Variants in ZNF483 observed in about 807,000 individuals in gnomAD.
ZNF483 encodes the protein zinc finger protein HIT-10.
ZNF483 carries 9 observed loss-of-function variants against 28.6 expected under a neutral mutation model. That is an observed-to-expected ratio of 0.32 (90% CI 0.19 to 0.55). ZNF483 has a LOEUF of 0.55. Among genes scored for constraint, ZNF483 ranks in the 20% least tolerant of loss-of-function variants. The probability of loss-of-function intolerance (pLI) is 0.93; values close to 1 mark genes in which losing one functional copy is unlikely to be tolerated. For synonymous variants in ZNF483, 322 were observed against 306.2 expected, an observed-to-expected ratio of 1.05 and a Z score of -0.54; for missense variants, 675 against 871.7, an observed-to-expected ratio of 0.77 and a Z score of 2.84.
rs1827736094 is a variant in ZNF483 at position 111,543,796 on chromosome 9, TC to T, written c.*627del. 1 of 940,694 alleles carries T rather than the reference TC, an allele frequency of 1.1e-6. No homozygotes were observed. The highest frequency in any genetic ancestry group is 1.8e-5 in the African/African-American group (1 of 56,228). The allele number at this position is 940,694 out of a possible 1,614,324, so 58.3% of individuals were successfully genotyped here. On this transcript the variant is annotated 3_prime_UTR_variant, in exon 6 of 6. Coordinates refer to ENST00000309235, the MANE Select transcript of ZNF483 (RefSeq NM_133464.5). ...TTTTTCTTTTTTTTTTTTCAATTTT[TC>T]TTTTTTGGGATGGAGTCTCACTATG...
At chr9:111,562,509 C>CAG (rs1828359792) in intron 5 of ZNF483, 1 of 151,594 alleles carries the variant, frequency 6.6e-6, no homozygotes, top group South Asian at 2.1e-4. Flanking sequence ...CTGCTGACCT[C>CAG]GTGATCTGCC....
chr9:111,561,013 A>G (rs1828281222), intron 5 of ZNF483, among the ~76,000 whole-genome samples: 1 of 72,100 alleles, frequency 1.4e-5, no homozygotes, highest in Admixed American at 1.5e-4. Context: ...AGAGAGAGAG[A>G]GAGAGGTGGC....
downstream of ZNF483, among the ~76,000 whole-genome samples, chr9:111,556,185 A>G (rs932939091): frequency 6.6e-6 from 1 of 152,372 alleles, no homozygotes; most frequent in African/African-American, 2.4e-5. Flanking sequence ...TTATAGCTCC[A>G]TAATAATCTT....
At chr9:111,531,784 C>G (rs1827353155) in intron 3 of ZNF483, among the ~76,000 whole-genome samples, 1 of 152,184 alleles carries the variant, frequency 6.6e-6, no homozygotes, top group African/African-American at 2.4e-5. Flanking sequence ...TGGGTTTAAG[C>G]CATCCTCCCT....
In ZNF483 at chr9:111,547,501, T is replaced by C. The variant is rs1016315371; in HGVS notation, c.*4331T>C. The stretch of plus-strand genomic sequence containing the variant: ...ATTTTTTAATTGGTTTTGTTGGCGT[T>C]GTTGTTTAGTTGTAGAAGTTCTTAA... On this transcript the variant is annotated 3_prime_UTR_variant, in exon 6 of 6. Transcript: ENST00000309235. Among the ~76,000 whole-genome samples the C allele has an allele frequency of 2.8e-5, 4 of 143,834 alleles. No individual in the cohort carries two copies. Among genetic ancestry groups the C allele is most frequent in the Non-Finnish European group, 5.9e-5 (4 of 67,884 alleles). The allele number at this position is 143,834 out of a possible 152,430, so 94.4% of individuals were successfully genotyped here.
Position 111,561,108 on chromosome 9 carries a change from T to TAGAGAGAGAGAGAGAG in ZNF483, c.722-15256_722-15255insGAGAGAGAGAGAGAGA, listed in dbSNP as rs1468727296. 2.4e-4 allele frequency among the ~76,000 whole-genome samples: 5 copies of TAGAGAGAGAGAGAGAG among 20,860 alleles called. 1 individual carries two copies. Among genetic ancestry groups the TAGAGAGAGAGAGAGAG allele is most frequent in the African/African-American group, 3.9e-4 (1 of 2,552 alleles). The allele number at this position is 20,860 out of a possible 152,430, so 13.7% of individuals were successfully genotyped here. Reference sequence around the variant, plus strand: ...AAATATATATATATATATATATATATATAGAGAGAGAGAGAGAGAGAGAGA... The same window carrying TAGAGAGAGAGAGAGAG: ...AAATATATATATATATATATATATATAGAGAGAGAGAGAGAGATAGAGAGAGAGAGAGAGAGAGAGA... On this transcript the variant is annotated intron_variant, in intron 5 of 5. Transcript: ENST00000358151.
At chr9:111,565,868 A>G (rs1026552085) in intron 5 of ZNF483, among the ~76,000 whole-genome samples, 1 of 152,086 alleles carries the variant, frequency 6.6e-6, no homozygotes, top group Non-Finnish European at 1.5e-5. Context: ...AAAATAGGGA[A>G]TGAGATTAAA....
intron 5 of ZNF483, among the ~76,000 whole-genome samples, chr9:111,566,860 G>T (rs1399450676): frequency 6.6e-6 from 1 of 152,088 alleles, no homozygotes; most frequent in Non-Finnish European, 1.5e-5. Flanking sequence ...GTTAAAAGAT[G>T]ATTAATTGCT....
At chr9:111,533,556 C>T (rs892865066) in intron 3 of ZNF483, among the ~76,000 whole-genome samples, 183 bp from the exon 4 acceptor site, 1 of 152,020 alleles carries the variant, frequency 6.6e-6, no homozygotes, top group African/African-American at 2.4e-5. Flanking sequence ...TGGCACGTGC[C>T]TGCAGTCCCA....
intron 5 of ZNF483, among the ~76,000 whole-genome samples, chr9:111,538,651 G>A (rs987603811): frequency 6.6e-6 from 1 of 152,168 alleles, no homozygotes; most frequent in Non-Finnish European, 1.5e-5. Context: ...AAAGTGTTTT[G>A]TGTAGTTCTA....
intron 5 of ZNF483, among the ~76,000 whole-genome samples, chr9:111,541,117 C>G (rs1384636489): frequency 7.1e-6 from 1 of 139,922 alleles, no homozygotes; most frequent in Non-Finnish European, 1.5e-5. Flanking sequence ...TGAGACAGAG[C>G]CTTGCTCTGT....
rs537667291 is a variant in ZNF483, at chr9:111,554,979, C to G, written c.*11809C>G. Among the ~76,000 whole-genome samples, 13 of 152,224 alleles carry G rather than the reference C, an allele frequency of 8.5e-5. No individual in the cohort carries two copies. In the South Asian group the frequency reaches 1.7e-3, roughly 19 times the overall value. The stretch of plus-strand genomic sequence containing the variant: ...TTTTTCTTTGAGAAGTGTAATTTCT[C>G]CAGAGGTCTGCTCTTTAATTTCCCC... On this transcript the variant is annotated 3_prime_UTR_variant, in exon 6 of 6. Coordinates refer to ENST00000309235, the MANE Select transcript of ZNF483 (RefSeq NM_133464.5).
Position 111,541,942 on chromosome 9 carries a change from A to G in ZNF483, c.1007A>G (p.Lys336Arg), listed in dbSNP as rs1374411640. 6 of 1,614,060 alleles carry G rather than the reference A, an allele frequency of 3.7e-6. No homozygotes were observed. In the African/African-American group the frequency reaches 8.0e-5, roughly 22 times the overall value. ...RKKSRRYNES[K>R]KPFSFHSDLV... ...AAATCTCGGAGGTATAATGAAAGCA[A>G]GAAACCCTTCAGTTTTCATTCAGAC... The change falls in exon 6 of 6, where the codon AAG becomes AGG. Residue 336 changes from lysine to arginine, a missense_variant. This residue lies in a region of ZNF483 where 525 missense variants were observed against 581.8 expected (regional missense o/e 0.90). Transcript: ENST00000309235.
chr9:111,563,034 T>C, intron 5 of ZNF483: 1 of 1,531,008 alleles, frequency 6.5e-7, no homozygotes, highest in East Asian at 2.3e-5. Context: ...TCTTAAGACA[T>C]TTAAGGTAGT....
In ZNF483 at chr9:111,549,247, C is replaced by T. The variant is rs1405545601; in HGVS notation, c.*6077C>T. ...TATCAGATGAGGAATTTCTTGATCA[C>T]TGGGGAGAAATATCTTACAATTCTG... On this transcript the variant is annotated 3_prime_UTR_variant, in exon 6 of 6. Transcript: ENST00000309235. 6.6e-6 allele frequency among the ~76,000 whole-genome samples: 1 copy of T among 152,156 alleles called. No homozygotes were observed. Among genetic ancestry groups the T allele is most frequent in the South Asian group, 2.1e-4 (1 of 4,834 alleles).
In ZNF483 at chr9:111,546,063, CATT is replaced by C. The variant is rs907153645; in HGVS notation, c.*2894_*2896del. 1.4e-4 allele frequency among the ~76,000 whole-genome samples: 21 copies of C among 152,158 alleles called. No homozygotes were observed. Among genetic ancestry groups the C allele is most frequent in the African/African-American group, 4.1e-4 (17 of 41,452 alleles). On this transcript the variant is annotated 3_prime_UTR_variant, in exon 6 of 6. Transcript: ENST00000309235. ...CCCATTTCTCTACAGTCTTGCCAGTCATTGTTGTCTGTTTTTTAAAAATTATGC... is the reference window on the plus strand; with the variant it reads ...CCCATTTCTCTACAGTCTTGCCAGTCGTTGTCTGTTTTTTAAAAATTATGC...
chr9:111,556,254 G>C (rs1305914605), downstream of ZNF483, among the ~76,000 whole-genome samples: 2 of 152,220 alleles, frequency 1.3e-5, no homozygotes, highest in African/African-American at 4.8e-5. Flanking sequence ...CTAAGGTCTT[G>C]GGCACCTCTG....
intron 1 of ZNF483, among the ~76,000 whole-genome samples, chr9:111,526,744 G>A (rs928501907): frequency 7.9e-5 from 12 of 152,126 alleles, no homozygotes. Flanking sequence ...TGTTTAGGAG[G>A]AGTATTCAAT....
At chr9:111,529,650 A>C (rs993957229) in intron 2 of ZNF483, among the ~76,000 whole-genome samples, 4 of 152,372 alleles carry the variant, frequency 2.6e-5, no homozygotes, top group Admixed American at 1.3e-4. Flanking sequence ...TTATTGTTCA[A>C]ATTAAATATT....
Sources: gnomAD v4.1 joint callset for allele counts (sites outside exome capture counted in the v4.1 genomes callset) on GRCh38, gnomAD v4.1.1 for gene constraint, gnomAD v4.1.1 regional missense constraint, MANE v1.5 for transcripts, NCBI Gene and HGNC (gene_info 2026-07-23, HGNC 2026-07-21) for gene names.